ROS1: variants seen among roughly 807,000 people sequenced by gnomAD.
ROS1 encodes proto-oncogene tyrosine-protein kinase ROS.
Under a neutral mutation model 273.5 loss-of-function variants are expected in ROS1, and 263 were observed. That is an observed-to-expected ratio of 0.96 (90% CI 0.87 to 1.06). The LOEUF is 1.06. ROS1 is among the 50% of genes least tolerant of loss of function. The pLI is 0.00. For synonymous variants in ROS1, 1,008 were observed against 954.1 expected (o/e 1.06, Z -1.04); for missense variants, 2,833 against 2,751.1 (o/e 1.03, Z -0.67).
intron 22 of ROS1, among the ~76,000 whole-genome samples, 160 bp from the exon 23 acceptor site, chr6:117,360,565 AC>A (rs2128650836): frequency 6.6e-6 from 1 of 152,290 alleles, no homozygotes; most frequent in Admixed American, 6.5e-5. Context: ...AATATAAATC[AC>A]CAAGAGAAAA....
intron 1 of ROS1, among the ~76,000 whole-genome samples, chr6:117,420,986 A>G (rs1430305617): frequency 6.6e-6 from 1 of 151,840 alleles, no homozygotes; most frequent in Non-Finnish European, 1.5e-5. Context: ...AAATTTATCC[A>G]TTTACATCCA....
At chr6:117,373,811 C>G (rs553628036) in intron 18 of ROS1, among the ~76,000 whole-genome samples, 2 of 152,314 alleles carry the variant, frequency 1.3e-5, no homozygotes, top group South Asian at 4.1e-4. Context: ...TGAGAGTGAG[C>G]GAGGGCTGCT....
At chr6:117,350,275 T>G (rs950861340) in intron 27 of ROS1, among the ~76,000 whole-genome samples, 19 of 152,038 alleles carry the variant, frequency 1.2e-4, no homozygotes, top group African/African-American at 4.1e-4. Context: ...TAGGTTAGTG[T>G]TTTTTTCTCT....
At chr6:117,397,466 A>G (rs558792298) in intron 7 of ROS1, among the ~76,000 whole-genome samples, 60 of 152,296 alleles carry the variant, frequency 3.9e-4, no homozygotes, top group African/African-American at 1.4e-3. Flanking sequence ...GAAGAAGAGG[A>G]GAGTCTGACT....
At chr6:117,321,451 T>A (rs969313180) in intron 35 of ROS1, 57 bp from the exon 36 acceptor site, 1 of 1,470,684 alleles carries the variant, frequency 6.8e-7, no homozygotes, top group Non-Finnish European at 9.2e-7. Flanking sequence ...TTTTTTCCTT[T>A]AGGAAATGTT....
chr6:117,366,051 G>A (rs762764182), intron 19 of ROS1, 25 bp downstream of exon 19: 6 of 1,537,330 alleles, frequency 3.9e-6, no homozygotes, highest in Non-Finnish European at 5.4e-6. Flanking sequence ...AGTGGAGTAG[G>A]GTAAGCAGGA....
chr6:117,356,523 T>C, intron 26 of ROS1, 106 bp downstream of exon 26: 1 of 1,038,108 alleles, frequency 9.6e-7, no homozygotes, highest in Non-Finnish European at 1.4e-6. Flanking sequence ...ACAGAGCAAA[T>C]ATCATGTGTA....
chr6:117,288,114 G>A lies in ROS1; in HGVS notation c.*378C>T, dbSNP rs1171096889. On this transcript the variant is annotated 3_prime_UTR_variant, in exon 44 of 44. Coordinates refer to ENST00000368507, the MANE Select transcript of ROS1 (RefSeq NM_001378902.1). ...TACTCCTTAGCCTCTTCTTTATATC[G>A]CTGAACACACCTATTCTGTCTCTAA... Among the ~76,000 whole-genome samples, 6 of 151,856 alleles carry A rather than the reference G, an allele frequency of 4.0e-5. No individual in the cohort carries two copies. The highest frequency in any genetic ancestry group is 1.2e-4 in the African/African-American group (5 of 41,306).
intron 1 of ROS1, 85 bp downstream of exon 1, chr6:117,425,449 G>T: frequency 7.3e-7 from 1 of 1,370,254 alleles, no homozygotes. Context: ...TCCTCATAAA[G>T]AGAAAACAAT....
At chr6:117,355,692 C>T (rs553257089) in intron 26 of ROS1, among the ~76,000 whole-genome samples, 2 of 152,216 alleles carry the variant, frequency 1.3e-5, no homozygotes, top group African/African-American at 4.8e-5. Flanking sequence ...TCACTGCAAC[C>T]TCCACCTCCT....
intron 43 of ROS1, among the ~76,000 whole-genome samples, chr6:117,298,652 G>A (rs920432224): frequency 6.6e-6 from 1 of 152,148 alleles, no homozygotes; most frequent in Non-Finnish European, 1.5e-5. Context: ...GGATATAGAT[G>A]TAGTCTTATG....
chr6:117,333,241 A>C (rs1777226380), intron 32 of ROS1, among the ~76,000 whole-genome samples: 1 of 152,236 alleles, frequency 6.6e-6, no homozygotes, highest in Non-Finnish European at 1.5e-5. Context: ...ATAAACTAGA[A>C]AATCTAGAAG....
chr6:117,331,905 C>A (rs966393036), intron 32 of ROS1, among the ~76,000 whole-genome samples: 1 of 152,134 alleles, frequency 6.6e-6, no homozygotes, highest in African/African-American at 2.4e-5. Flanking sequence ...CTATAAAGAT[C>A]AATGACACTA....
chr6:117,326,091 T>TTATATATATA lies in ROS1; in HGVS notation c.5539+123_5539+132dup, dbSNP rs56113300. ...TAGTTTAATAGTTTGGATAATAAGA[T>TTATATATATA]TATATATATATATATATATATATAT... On this transcript the variant is annotated intron_variant, in intron 34 of 43. Coordinates refer to ENST00000368507, the MANE Select transcript of ROS1 (RefSeq NM_001378902.1). 4.1e-4 allele frequency: 61 copies of TTATATATATA among 148,316 alleles called. 1 individual carries two copies. The highest frequency in any genetic ancestry group is 7.5e-4 in the Admixed American group (9 of 11,968). The allele number at this position is 148,316 out of a possible 1,614,324, so 9.2% of individuals were successfully genotyped here. A position where few individuals can be genotyped will look rare whatever the true frequency, so the allele number is the denominator to read the frequency against.
intron 31 of ROS1, among the ~76,000 whole-genome samples, chr6:117,340,117 C>T (rs1199854186): frequency 6.6e-6 from 1 of 152,128 alleles, no homozygotes; most frequent in Middle Eastern, 3.2e-3. Context: ...AAAAGGCACT[C>T]CTCCAATTTC....
chr6:117,342,418 C>T lies in ROS1; in HGVS notation c.4633G>A (p.Gly1545Arg), dbSNP rs776176321. 1.9e-6 allele frequency: 3 copies of T among 1,611,956 alleles called. No homozygotes were observed. In the South Asian group the frequency reaches 3.3e-5, roughly 18 times the overall value. Reference sequence around the variant, plus strand: ...AACTTACCTCCATTTTTAGTTTTTCCCCAAATCTCTTTTCCTGGTGGTAAA... The same window carrying T: ...AACTTACCTCCATTTTTAGTTTTTCTCCAAATCTCTTTTCCTGGTGGTAAA... ...EHLPPGKEIW[G>R]KTKNGVPEAV... The change falls in exon 29 of 44, where the codon GGA becomes AGA. Residue 1545 changes from glycine (G) to arginine (R), a missense_variant. Physicochemically the swap from Gly to Arg is moderately radical, Grantham distance 125 (BLOSUM62 -2). Transcript: ENST00000368507.
At chr6:117,297,104 A>G (rs1164381455) in intron 43 of ROS1, among the ~76,000 whole-genome samples, 2 of 152,220 alleles carry the variant, frequency 1.3e-5, no homozygotes, top group Admixed American at 1.3e-4. Flanking sequence ...AAAGTCAACA[A>G]GAACACATAC....
At position 117,326,400 on chromosome 6, in the gene ROS1, T is replaced by G. The variant is rs774351357; in HGVS notation, c.5363A>C (p.Asn1788Thr). Reference protein sequence around the residue: ...YILEIRKSTSNNLQNQNLRWK... With the variant: ...YILEIRKSTSTNLQNQNLRWK... ...CCTTAAATTCTGGTTCTGTAAATTA[T>G]TTGAAGTGCTCTTTCTGCAAAAAAT... The change falls in exon 34 of 44, where the codon AAT becomes ACT. Residue 1788 changes from asparagine (N) to threonine (T), a missense_variant. Coordinates refer to ENST00000368507, the MANE Select transcript of ROS1 (RefSeq NM_001378902.1). 1.9e-6 allele frequency: 3 copies of G among 1,545,728 alleles called. No individual in the cohort carries two copies. The highest frequency in any genetic ancestry group is 1.7e-6 in the Non-Finnish European group (2 of 1,152,586).
intron 1 of ROS1, among the ~76,000 whole-genome samples, chr6:117,420,000 T>C (rs577670825): frequency 6.6e-6 from 1 of 152,246 alleles, no homozygotes; most frequent in East Asian, 1.9e-4. Context: ...TAGCTAACAT[T>C]TATTGAATTA....
Sources: gnomAD v4.1 joint callset for allele counts (sites outside exome capture counted in the v4.1 genomes callset) on GRCh38, gnomAD v4.1.1 for gene constraint, MANE v1.5 for transcripts, NCBI Gene and HGNC (gene_info 2026-07-23, HGNC 2026-07-21) for gene names.